KCNG4: variants seen among roughly 807,000 people sequenced by gnomAD.
KCNG4 encodes the protein voltage-gated potassium channel regulatory subunit KCNG4.
KCNG4 carries 30 observed loss-of-function variants against 28.2 expected under a neutral mutation model. That is an observed-to-expected ratio of 1.06 (90% CI 0.80 to 1.44). The LOEUF (loss-of-function observed/expected upper bound fraction) is 1.44. Ranked by LOEUF, KCNG4 falls within the 40% of genes most tolerant of loss-of-function variation. The probability of loss-of-function intolerance (pLI) is 0.00; values close to 1 mark genes in which losing one functional copy is unlikely to be tolerated. For missense variants in KCNG4, 879 were observed against 712.3 expected (o/e 1.23, Z -2.66); for synonymous variants, 375 against 315.5 (o/e 1.19, Z -2.00).
At position 84,220,311 on chromosome 16, in the gene KCNG4, TA is replaced by T; in HGVS notation, c.*1905del. On this transcript the variant is annotated 3_prime_UTR_variant, in exon 3 of 3. Coordinates refer to ENST00000308251, the MANE Select transcript of KCNG4 (RefSeq NM_172347.3). ...TGTCAGCTTGGGAAAGATTGGGGTCTAAAAGAATGGGGACATGTGCCTGTAT... is the reference window on the plus strand; with the variant it reads ...TGTCAGCTTGGGAAAGATTGGGGTCTAAAGAATGGGGACATGTGCCTGTAT... 1 of 152,222 alleles carries T rather than the reference TA, an allele frequency of 6.6e-6. No individual in the cohort carries two copies. The highest frequency in any genetic ancestry group is 3.4e-3 in the Middle Eastern group (1 of 294). 9.4% of individuals were successfully genotyped at this position (152,222 alleles called of 1,614,324 possible).
chr16:84,223,751 G>T (rs1436991194), intron 2 of KCNG4, among the ~76,000 whole-genome samples: 1 of 152,168 alleles, frequency 6.6e-6, no homozygotes, highest in Non-Finnish European at 1.5e-5. Flanking sequence ...TAACTTTGTT[G>T]TTTACCACCC....
chr16:84,224,457 G>C (rs1904653508), intron 2 of KCNG4, among the ~76,000 whole-genome samples: 1 of 143,846 alleles, frequency 7.0e-6, no homozygotes, highest in African/African-American at 2.7e-5. Context: ...TATATTTGAT[G>C]GATGAATGGA....
Position 84,222,318 on chromosome 16 carries a change from AT to A in KCNG4, c.1458del (p.Glu486AspfsTer16), listed in dbSNP as rs778201046. The A allele has an allele frequency of 6.2e-7, 1 of 1,614,168 alleles. No individual in the cohort carries two copies. The highest frequency in any genetic ancestry group is 8.5e-7 in the Non-Finnish European group (1 of 1,180,014). Reference sequence around the variant, plus strand: ...GCCACATGGGGGTCCAGGAGTTCACATTCACTGGCTGGACCGGTGTTTTGGA... The same window carrying A: ...GCCACATGGGGGTCCAGGAGTTCACATCACTGGCTGGACCGGTGTTTTGGA... The part of the protein sequence containing the change: ...RHLQNTGPAS[E>X]CELLDPHVAS... On this transcript the variant is annotated frameshift_variant, in exon 3 of 3. Transcript: ENST00000308251. LOFTEE classifies it low-confidence loss of function (END_TRUNC).
At chr16:84,223,638 A>G (rs1028464003) in intron 2 of KCNG4, among the ~76,000 whole-genome samples, 4 of 152,304 alleles carry the variant, frequency 2.6e-5, no homozygotes, top group Middle Eastern at 3.4e-3. Context: ...GTGTGACCCC[A>G]TTTGATGGCC....
intron 2 of KCNG4, chr16:84,235,268 G>C (rs1904920015): frequency 6.6e-6 from 1 of 152,208 alleles, no homozygotes; most frequent in Non-Finnish European, 1.5e-5. Flanking sequence ...ATCTGTAAGA[G>C]GAACAGGCTT....
chr16:84,222,895 G>GGACT lies in KCNG4; in HGVS notation c.881_882insAGTC (p.Leu295ValfsTer21). Reference sequence around the variant, plus strand: ...TGGCCAGGATGTCGATGATGTTCAGGGGCCCCTGGAAGAACTGACACTTGT... The same window carrying GGACT: ...TGGCCAGGATGTCGATGATGTTCAGGGACTGGCCCCTGGAAGAACTGACACTTGT... On this transcript the variant is annotated frameshift_variant, in exon 3 of 3. Coordinates refer to ENST00000308251, the MANE Select transcript of KCNG4 (RefSeq NM_172347.3). LOFTEE classifies it high-confidence loss of function. The GGACT allele has an allele frequency of 1.2e-6, 2 of 1,611,896 alleles. No homozygotes were observed. Among genetic ancestry groups the GGACT allele is most frequent in the Non-Finnish European group, 8.5e-7 (1 of 1,178,484 alleles).
chr16:84,237,045 C>T lies in KCNG4; in HGVS notation c.441G>A (p.Leu147=). 1.2e-6 allele frequency: 2 copies of T among 1,614,086 alleles called. No individual in the cohort carries two copies. Among genetic ancestry groups the T allele is most frequent in the South Asian group, 1.1e-5 (1 of 91,078 alleles). ...GGGCCTCCTCGATGCCCCAGTAGGC[C>T]AGCTCCTCCTGGAAGGACAGCGCGC... ...EMCALSFQEE[L]AYWGIEEAHL... Residue 147 remains leucine (L), a synonymous_variant, in exon 2 of 3, where the codon CTG becomes CTA. Coordinates refer to ENST00000308251, the MANE Select transcript of KCNG4 (RefSeq NM_172347.3).
At chr16:84,224,134 C>G (rs1466061458) in intron 2 of KCNG4, among the ~76,000 whole-genome samples, 1 of 152,130 alleles carries the variant, frequency 6.6e-6, no homozygotes, top group Non-Finnish European at 1.5e-5. Flanking sequence ...CCCACCCCAT[C>G]CCACGGAATC....
At chr16:84,223,719 T>C (rs1291626196) in intron 2 of KCNG4, among the ~76,000 whole-genome samples, 1 of 152,192 alleles carries the variant, frequency 6.6e-6, no homozygotes, top group East Asian at 1.9e-4. Flanking sequence ...CCAGGGTCTC[T>C]TAGATACTGT....
intron 2 of KCNG4, among the ~76,000 whole-genome samples, chr16:84,233,367 C>T (rs934172038): frequency 6.6e-6 from 1 of 152,122 alleles, no homozygotes; most frequent in Non-Finnish European, 1.5e-5. Context: ...CACAAAATGG[C>T]CCTGAGGCTG....
rs574633068 is a variant in KCNG4 at position 84,221,331 on chromosome 16, C to T, written c.*886G>A. 2 of 152,350 alleles carry T rather than the reference C, an allele frequency of 1.3e-5. No homozygotes were observed. Among genetic ancestry groups the T allele is most frequent in the South Asian group, 4.1e-4 (2 of 4,830 alleles). The allele number at this position is 152,350 out of a possible 1,614,324, so 9.4% of individuals were successfully genotyped here. A position where few individuals can be genotyped will look rare whatever the true frequency, so the allele number is the denominator to read the frequency against. Reference sequence around the variant, plus strand: ...TAAGGCCCCTGCAGTGTGGGAGCAACCAGCAGCAGGAACGATCCTCTCAAG... The same window carrying T: ...TAAGGCCCCTGCAGTGTGGGAGCAATCAGCAGCAGGAACGATCCTCTCAAG... On this transcript the variant is annotated 3_prime_UTR_variant, in exon 3 of 3. Coordinates refer to ENST00000308251, the MANE Select transcript of KCNG4 (RefSeq NM_172347.3).
At chr16:84,227,217 A>C (rs1293934672) in intron 2 of KCNG4, among the ~76,000 whole-genome samples, 1 of 152,216 alleles carries the variant, frequency 6.6e-6, no homozygotes, top group African/African-American at 2.4e-5. Context: ...CAGAATTACC[A>C]TGCAACCCAG....
Position 84,236,904 on chromosome 16 carries a change from G to T in KCNG4, c.582C>A (p.Ala194=). The T allele has an allele frequency of 6.2e-7, 1 of 1,613,428 alleles. No individual in the cohort carries two copies. ...ACAGGCCCCAGCGCGAGGAGTGCGAGGCGGGGCGGCGGGTCTCCCTCTGCT... is the reference window on the plus strand; with the variant it reads ...ACAGGCCCCAGCGCGAGGAGTGCGATGCGGGGCGGCGGGTCTCCCTCTGCT... ...LRQQRETRRP[A]SHSSRWGLCM... is the part of the protein sequence containing the mutation. The change falls in exon 2 of 3, where the codon GCC becomes GCA. Residue 194 remains alanine, a synonymous_variant. Coordinates refer to ENST00000308251, the MANE Select transcript of KCNG4 (RefSeq NM_172347.3).
rs1904708104 is a variant in KCNG4, at chr16:84,226,789, G to T, written c.757-3769C>A. 1.3e-5 allele frequency among the ~76,000 whole-genome samples: 2 copies of T among 148,964 alleles called. No homozygotes were observed. The highest frequency in any genetic ancestry group is 3.0e-5 in the Non-Finnish European group (2 of 66,718). ...AGCTACTTGGCGGGCTGAGGCAGGA[G>T]AATGGCTTGGACCTGGTAGGCGGAG... On this transcript the variant is annotated intron_variant, in intron 2 of 2. Coordinates refer to ENST00000308251, the MANE Select transcript of KCNG4 (RefSeq NM_172347.3). The surrounding 1 kb of genome is among the most constrained non-coding windows in gnomAD (Gnocchi z 4.1).
Position 84,236,796 on chromosome 16 carries a change from G to C in KCNG4, c.690C>G (p.Phe230Leu). The C allele has an allele frequency of 6.2e-7, 1 of 1,613,796 alleles. No individual in the cohort carries two copies. The highest frequency in any genetic ancestry group is 8.5e-7 in the Non-Finnish European group (1 of 1,180,034). The part of the protein sequence containing the change: ...GKVFACLSIL[F>L]VATTAVSLCV... ...ACAGGCTGACGGCTGTGGTGGCCAC[G>C]AAGAGGATGGAGAGGCAAGCGAAGA... The change falls in exon 2 of 3, where the codon TTC (phenylalanine) becomes TTG (leucine). Residue 230 changes from phenylalanine to leucine, a missense_variant. Transcript: ENST00000308251.
intron 2 of KCNG4, among the ~76,000 whole-genome samples, chr16:84,230,673 G>A (rs1322911932): frequency 3.9e-5 from 6 of 152,202 alleles, no homozygotes; most frequent in African/African-American, 7.2e-5. Context: ...GAGGGAAGGC[G>A]AGGACCAAAG....
At chr16:84,223,833 T>C (rs1904634816) in intron 2 of KCNG4, among the ~76,000 whole-genome samples, 1 of 152,134 alleles carries the variant, frequency 6.6e-6, no homozygotes, top group African/African-American at 2.4e-5. Flanking sequence ...CCCCGGGCAT[T>C]CTGTGACTAG....
At chr16:84,228,989 A>G (rs1013856282) in intron 2 of KCNG4, among the ~76,000 whole-genome samples, 4 of 152,186 alleles carry the variant, frequency 2.6e-5, no homozygotes, top group Non-Finnish European at 4.4e-5. Flanking sequence ...GGTTCCAGCA[A>G]ATTCTTACTA....
At chr16:84,238,928 T>C (rs1905040072) in intron 1 of KCNG4, among the ~76,000 whole-genome samples, 1 of 152,182 alleles carries the variant, frequency 6.6e-6, no homozygotes, top group South Asian at 2.1e-4. Flanking sequence ...TTCAGACCTA[T>C]ATGAGGTGCT....
Sources: allele counts gnomAD v4.1 joint callset (sites outside exome capture counted in the v4.1 genomes callset), GRCh38; gene constraint gnomAD v4.1.1; non-coding constraint Gnocchi (gnomAD v3.1); transcripts MANE v1.5; gene names NCBI Gene and HGNC (gene_info 2026-07-23, HGNC 2026-07-21).